CNTNAP2: variants seen among roughly 807,000 people sequenced by gnomAD.
The protein encoded by CNTNAP2 is contactin-associated protein-like 2.
In CNTNAP2, 98 loss-of-function variants were observed where a neutral mutation model predicts 155.2. The ratio of observed to expected loss-of-function variants is 0.63; its 90% CI spans 0.54 to 0.75. The LOEUF (loss-of-function observed/expected upper bound fraction) is 0.75, where lower values mean the gene tolerates loss of function less well. Among genes scored for constraint, CNTNAP2 ranks in the 30% least tolerant of loss-of-function variants. The pLI is 0.00. For missense variants in CNTNAP2, 1,727 were observed against 1,688.1 expected (o/e 1.02, Z -0.40); for synonymous variants, 651 against 631.2 (o/e 1.03, Z -0.47).
intron 8 of CNTNAP2, among the ~76,000 whole-genome samples, chr7:147,185,793 A>G (rs1377140621): frequency 2.0e-5 from 3 of 152,136 alleles, no homozygotes; most frequent in Non-Finnish European, 4.4e-5. Context: ...CGAGGGAGGT[A>G]CCTGGTGGGA....
At chr7:148,274,247 TA>T (rs202019986) in intron 21 of CNTNAP2, among the ~76,000 whole-genome samples, 2 of 151,808 alleles carry the variant, frequency 1.3e-5, no homozygotes, top group East Asian at 1.9e-4. Context: ...TAGCATGAGA[TA>T]AAAAAAACTC....
At chr7:148,074,171 G>C (rs1803434555) in intron 15 of CNTNAP2, among the ~76,000 whole-genome samples, 1 of 152,170 alleles carries the variant, frequency 6.6e-6, no homozygotes, top group Non-Finnish European at 1.5e-5. Flanking sequence ...GGTGGCGTTA[G>C]AGTGCTTATG....
intron 13 of CNTNAP2, among the ~76,000 whole-genome samples, chr7:147,657,983 G>A (rs1310203331): frequency 8.5e-6 from 1 of 118,228 alleles, no homozygotes; most frequent in Non-Finnish European, 2.0e-5. Flanking sequence ...CTGGCCGGGC[G>A]CGGTGGCTCA....
At chr7:147,542,246 T>C (rs947394000) in intron 11 of CNTNAP2, among the ~76,000 whole-genome samples, 1 of 152,016 alleles carries the variant, frequency 6.6e-6, no homozygotes, top group African/African-American at 2.4e-5. Context: ...TCCTTTTCCT[T>C]TCTTCTTTTT....
chr7:146,617,634 C>G (rs1187625900), intron 1 of CNTNAP2, among the ~76,000 whole-genome samples: 1 of 152,232 alleles, frequency 6.6e-6, no homozygotes, highest in East Asian at 1.9e-4. Flanking sequence ...GAACCGTTTA[C>G]GTTTTTGGCC....
chr7:147,454,610 G>A (rs1460412560), intron 10 of CNTNAP2, among the ~76,000 whole-genome samples: 1 of 152,056 alleles, frequency 6.6e-6, no homozygotes, highest in Non-Finnish European at 1.5e-5. Context: ...TAAAATCTAA[G>A]CAGAACTGGT....
intron 2 of CNTNAP2, among the ~76,000 whole-genome samples, chr7:146,824,747 C>G (rs190674941): frequency 6.6e-6 from 1 of 151,976 alleles, no homozygotes; most frequent in African/African-American, 2.4e-5. Context: ...ACAGGAAATG[C>G]AATTCTATTT....
At chr7:146,788,866 C>G (rs554848097) in intron 2 of CNTNAP2, among the ~76,000 whole-genome samples, 6 of 151,986 alleles carry the variant, frequency 3.9e-5, no homozygotes, top group Non-Finnish European at 8.8e-5. Flanking sequence ...TCGTCTATCT[C>G]TATCTCAGAA....
intron 1 of CNTNAP2, among the ~76,000 whole-genome samples, chr7:146,283,935 A>T (rs534537995): frequency 2.9e-4 from 44 of 152,336 alleles, no homozygotes; most frequent in African/African-American, 1.1e-3. Flanking sequence ...AAAAATGCAA[A>T]CAAAATCAAC....
At position 147,136,097 on chromosome 7, in the gene CNTNAP2, A is replaced by T. The variant is rs74381938; in HGVS notation, c.1348+3588A>T. Among the ~76,000 whole-genome samples the T allele has an allele frequency of 3.6e-3, 546 of 151,970 alleles. 4 individuals are homozygous for T. The highest frequency in any genetic ancestry group is 0.013 in the African/African-American group (522 of 41,512). On this transcript the variant is annotated intron_variant, in intron 8 of 23. Coordinates refer to ENST00000361727, the MANE Select transcript of CNTNAP2 (RefSeq NM_014141.6). ...GCCTCAATTTTATGCCACTAAATAC[A>T]AACATATTTAGAACAATACTCAGTT...
chr7:148,086,977 A>G (rs1264549115), intron 15 of CNTNAP2, among the ~76,000 whole-genome samples: 1 of 152,182 alleles, frequency 6.6e-6, no homozygotes, highest in Non-Finnish European at 1.5e-5. Flanking sequence ...TGATATATAG[A>G]CTTGGCCTGT....
In CNTNAP2 at chr7:147,135,820, A is replaced by G. The variant is rs150105348; in HGVS notation, c.1348+3311A>G. Among the ~76,000 whole-genome samples, 387 of 149,856 alleles carry G rather than the reference A, an allele frequency of 2.6e-3. 7 individuals are homozygous for G. In the East Asian group the frequency reaches 0.061, roughly 24 times the overall value. ...AGCCATAACCCACTATAATAATTTC[A>G]TGTCCTAAATACAGTTTGGAAAACA... On this transcript the variant is annotated intron_variant, in intron 8 of 23. Coordinates refer to ENST00000361727, the MANE Select transcript of CNTNAP2 (RefSeq NM_014141.6).
At chr7:147,588,798 T>A (rs1401209042) in intron 12 of CNTNAP2, among the ~76,000 whole-genome samples, 1 of 152,186 alleles carries the variant, frequency 6.6e-6, no homozygotes, top group Non-Finnish European at 1.5e-5. Flanking sequence ...CAAGTGCTGG[T>A]AAGCAGCTGG....
chr7:147,848,470 A>G (rs1406803620), intron 13 of CNTNAP2, among the ~76,000 whole-genome samples: 5 of 150,020 alleles, frequency 3.3e-5, no homozygotes, highest in Non-Finnish European at 7.4e-5. Context: ...CACGGTGCGC[A>G]CACACACTGG....
chr7:147,948,408 C>T (rs946645538), intron 14 of CNTNAP2, among the ~76,000 whole-genome samples: 1 of 151,532 alleles, frequency 6.6e-6, no homozygotes, highest in African/African-American at 2.4e-5. Context: ...TGCATCAAAA[C>T]ATCTCATGTA....
intron 1 of CNTNAP2, among the ~76,000 whole-genome samples, chr7:146,597,280 A>C (rs1216587711): frequency 6.6e-6 from 1 of 152,062 alleles, no homozygotes; most frequent in East Asian, 1.9e-4. Flanking sequence ...AGTGTGCTTT[A>C]CTATAATACG....
At chr7:147,721,782 T>C (rs1796571364) in intron 13 of CNTNAP2, among the ~76,000 whole-genome samples, 2 of 152,120 alleles carry the variant, frequency 1.3e-5, no homozygotes, top group African/African-American at 4.8e-5. Context: ...CCCTATTAAA[T>C]TGGCTGCATT....
rs1796105922 is a variant in CNTNAP2, at chr7:148,239,473, T to A, written c.3381+9694T>A. Among the ~76,000 whole-genome samples, 4 of 152,180 alleles carry A rather than the reference T, an allele frequency of 2.6e-5. No individual in the cohort carries two copies. The South Asian group carries it at 8.3e-4, about 32-fold the overall frequency. ...ATTTGGTCTGTATATGAGTCAGAATTCATTTTTTCTTCTATATTTCTATGT... is the reference window on the plus strand; with the variant it reads ...ATTTGGTCTGTATATGAGTCAGAATACATTTTTTCTTCTATATTTCTATGT... On this transcript the variant is annotated intron_variant, in intron 20 of 23. Transcript: ENST00000361727.
intron 3 of CNTNAP2, among the ~76,000 whole-genome samples, chr7:146,867,328 T>C (rs1433694345): frequency 6.6e-6 from 1 of 152,150 alleles, no homozygotes; most frequent in Non-Finnish European, 1.5e-5. Flanking sequence ...ACCTAGTCCA[T>C]GTTCCTGCAA....
Sources: allele counts gnomAD v4.1 joint callset (sites outside exome capture counted in the v4.1 genomes callset), GRCh38; gene constraint gnomAD v4.1.1; transcripts MANE v1.5; gene names NCBI Gene and HGNC (gene_info 2026-07-23, HGNC 2026-07-21).